The following CELF2 variants were observed in gnomAD, a reference collection of about 807,000 sequenced individuals.
CELF2 encodes CUG triplet repeat RNA-binding protein 2.
A neutral mutation model predicts 62.6 loss-of-function variants in CELF2; 8 were observed. The observed-to-expected ratio is 0.13, with a 90% CI of 0.07 to 0.23. The LOEUF is 0.23. Among genes scored for constraint, CELF2 ranks in the 10% least tolerant of loss-of-function variants. The pLI is 1.00. For missense variants in CELF2, 333 were observed against 671.0 expected, an observed-to-expected ratio of 0.50 and a Z score of 5.56; for synonymous variants, 258 against 250.0, an observed-to-expected ratio of 1.03 and a Z score of -0.30.
At chr10:10,501,774 T>C in the CELF2 span, among the ~76,000 whole-genome samples, 1 of 152,194 alleles carries the variant, frequency 6.6e-6, no homozygotes, top group African/African-American at 2.4e-5. Context: ...TTTACTTTAC[T>C]TAATGAACTG....
chr10:10,959,268 G>A (rs1307935823), intron 2 of CELF2, among the ~76,000 whole-genome samples: 1 of 152,134 alleles, frequency 6.6e-6, no homozygotes, highest in South Asian at 2.1e-4. Flanking sequence ...ACAACAGAGT[G>A]AGACTCCATC....
At chr10:11,174,897 G>T (rs755288206) in intron 2 of CELF2, among the ~76,000 whole-genome samples, 1 of 152,148 alleles carries the variant, frequency 6.6e-6, no homozygotes, top group East Asian at 1.9e-4. Context: ...TCAGGGAGGG[G>T]GAGGAGCAGA....
chr10:11,090,660 G>T (rs1334647521), intron 1 of CELF2, among the ~76,000 whole-genome samples: 1 of 152,146 alleles, frequency 6.6e-6, no homozygotes, highest in Non-Finnish European at 1.5e-5. Context: ...AAGATATTAT[G>T]ATATATCTAC....
intron 1 of CELF2, among the ~76,000 whole-genome samples, chr10:10,874,347 C>A (rs2060951894): frequency 6.7e-6 from 1 of 150,124 alleles, no homozygotes; most frequent in African/African-American, 2.5e-5. Context: ...AGAGTAGTGA[C>A]AAAGAGACTC....
In CELF2 at chr10:10,880,973, G is replaced by A. The variant is rs532336091; in HGVS notation, c.54-38991G>A. 3.9e-5 allele frequency among the ~76,000 whole-genome samples: 6 copies of A among 152,282 alleles called. No homozygotes were observed. In the South Asian group the frequency reaches 1.0e-3, roughly 26 times the overall value. ...TTCCTTATTTATAGTGAGAAACTTA[G>A]TGTGTTCCATTTTTCTCCACCCACC... On this transcript the variant is annotated intron_variant, in intron 1 of 13. Coordinates refer to the CELF2 transcript ENST00000636488.
the CELF2 span, among the ~76,000 whole-genome samples, chr10:10,684,855 G>C: frequency 1.3e-5 from 2 of 152,264 alleles, no homozygotes; most frequent in East Asian, 3.9e-4. Context: ...CAGGTGCATA[G>C]TCAACAAGGT....
chr10:10,486,386 C>T, the CELF2 span, among the ~76,000 whole-genome samples: 2 of 152,186 alleles, frequency 1.3e-5, no homozygotes, highest in Non-Finnish European at 2.9e-5. Flanking sequence ...AGAGCAACTG[C>T]TAAACATCAG....
chr10:10,687,746 G>A, the CELF2 span, among the ~76,000 whole-genome samples: 21 of 152,266 alleles, frequency 1.4e-4, no homozygotes, highest in South Asian at 4.2e-3. Flanking sequence ...AAGACCTCAA[G>A]GGGTTGAAAG....
chr10:10,522,261 C>T, the CELF2 span, among the ~76,000 whole-genome samples: 1 of 152,108 alleles, frequency 6.6e-6, no homozygotes, highest in Non-Finnish European at 1.5e-5. Flanking sequence ...AGCCAATTGA[C>T]CTTCCTGTTT....
the CELF2 span, among the ~76,000 whole-genome samples, chr10:10,643,596 A>C: frequency 6.6e-6 from 1 of 152,210 alleles, no homozygotes; most frequent in African/African-American, 2.4e-5. Context: ...AAATTGGACC[A>C]CAGAATTATA....
At chr10:10,757,664 A>C in the CELF2 span, among the ~76,000 whole-genome samples, 1 of 152,036 alleles carries the variant, frequency 6.6e-6, no homozygotes, top group South Asian at 2.1e-4. Flanking sequence ...ACTTTTTCCC[A>C]AAAATATAAG....
At chr10:10,829,546 A>G (rs1040341718) in intron 1 of CELF2, among the ~76,000 whole-genome samples, 3 of 152,174 alleles carry the variant, frequency 2.0e-5, no homozygotes, top group African/African-American at 7.2e-5. Flanking sequence ...TTGTGCCATA[A>G]TTTTATGGAA....
intron 9 of CELF2, among the ~76,000 whole-genome samples, chr10:11,303,081 A>T (rs1037471907): frequency 4.6e-5 from 7 of 152,122 alleles, no homozygotes; most frequent in Admixed American, 3.9e-4. Flanking sequence ...GAGGTGGCCC[A>T]GCGGAAACTT....
intron 2 of CELF2, among the ~76,000 whole-genome samples, chr10:11,208,610 C>T (rs190134159): frequency 1.3e-5 from 2 of 152,300 alleles, no homozygotes; most frequent in East Asian, 3.9e-4. Flanking sequence ...GTCTTATGAC[C>T]TACAGTCAAA....
At chr10:11,282,807 C>T (rs2139301509) in intron 8 of CELF2, among the ~76,000 whole-genome samples, 1 of 152,386 alleles carries the variant, frequency 6.6e-6, no homozygotes, top group African/African-American at 2.4e-5. Flanking sequence ...GACCTGAGCT[C>T]TTGCTGACCA....
At chr10:11,164,953 G>T (rs969361412) in intron 1 of CELF2, 1 of 491,118 alleles carries the variant, frequency 2.0e-6, no homozygotes, top group Non-Finnish European at 2.6e-6. Flanking sequence ...GTCATCTGAC[G>T]GACTGCCAAG....
chr10:11,331,396 T>C lies in CELF2; in HGVS notation c.*2343T>C, dbSNP rs1166869489. 2.0e-5 allele frequency: 3 copies of C among 151,946 alleles called. No homozygotes were observed. The highest frequency in any genetic ancestry group is 4.8e-5 in the African/African-American group (2 of 41,324). 9.4% of individuals were successfully genotyped at this position (151,946 alleles called of 1,614,324 possible). A position where few individuals can be genotyped will look rare whatever the true frequency, so the allele number is the denominator to read the frequency against. Reference sequence around the variant, plus strand: ...AAGTTTTGTGTTGGCTTGTGAAGCATTGATGTCATTTTTTTTAATTGTGGA... The same window carrying C: ...AAGTTTTGTGTTGGCTTGTGAAGCACTGATGTCATTTTTTTTAATTGTGGA... On this transcript the variant is annotated 3_prime_UTR_variant, in exon 13 of 13. Coordinates refer to ENST00000633077, the MANE Select transcript of CELF2 (RefSeq NM_001326342.2).
chr10:10,813,058 A>G (rs111533910), intron 1 of CELF2, among the ~76,000 whole-genome samples: 8 of 152,194 alleles, frequency 5.3e-5, no homozygotes, highest in African/African-American at 1.7e-4. Context: ...TCCATCTCCT[A>G]TACTGCCCAG....
At chr10:10,967,840 C>T (rs367759140) in intron 2 of CELF2, among the ~76,000 whole-genome samples, 1 of 151,944 alleles carries the variant, frequency 6.6e-6, no homozygotes, top group African/African-American at 2.4e-5. Context: ...GACAGATAGC[C>T]GAAGTGTCTT....
Sources: gnomAD v4.1 joint callset for allele counts (sites outside exome capture counted in the v4.1 genomes callset) on GRCh38, gnomAD v4.1.1 for gene constraint, MANE v1.5 for transcripts, NCBI Gene and HGNC (gene_info 2026-07-23, HGNC 2026-07-21) for gene names.